The following ANO6 variants were observed in gnomAD, a reference collection of about 807,000 sequenced individuals.
ANO6 encodes anoctamin 6.
Under a neutral mutation model 117.5 loss-of-function variants are expected in ANO6, and 106 were observed. The observed-to-expected ratio is 0.90, with a 90% CI of 0.77 to 1.06. The LOEUF is 1.06. Ranked by LOEUF, ANO6 falls within the 50% of genes least tolerant of loss-of-function variation. The pLI is 0.00. For missense variants in ANO6, 955 were observed against 1,121.1 expected (o/e 0.85, Z 2.12); for synonymous variants, 367 against 385.1 (o/e 0.95, Z 0.55).
intron 2 of ANO6, among the ~76,000 whole-genome samples, chr12:45,323,978 C>T (rs1228696599): frequency 9.7e-5 from 13 of 133,954 alleles, no homozygotes; most frequent in African/African-American, 3.5e-4. Flanking sequence ...GCTCTTGGTG[C>T]CCAGGCTGGA....
rs535546821 is a variant in ANO6 at position 45,398,179 on chromosome 12, C to T, written c.1387-3616C>T. Among the ~76,000 whole-genome samples, 73 of 152,188 alleles carry T rather than the reference C, an allele frequency of 4.8e-4. 1 individual carries two copies. Among genetic ancestry groups the T allele is most frequent in the African/African-American group, 1.8e-3 (73 of 41,528 alleles). On this transcript the variant is annotated intron_variant, in intron 12 of 19. Transcript: ENST00000320560. ...AAACAAGAGGTCAATACCTTTAATA[C>T]GTGGAGTCCAGATCATCTAGAAGAT...
At chr12:45,320,095 G>A (rs553275225) in intron 2 of ANO6, among the ~76,000 whole-genome samples, 2 of 152,166 alleles carry the variant, frequency 1.3e-5, no homozygotes, top group South Asian at 2.1e-4. Context: ...TTTTTTTGAA[G>A]GGTTATTTGT....
At chr12:45,414,156 A>C (rs1028324318) in intron 16 of ANO6, among the ~76,000 whole-genome samples, 2 of 151,964 alleles carry the variant, frequency 1.3e-5, no homozygotes, top group African/African-American at 4.8e-5. Context: ...ACTTGTTGTG[A>C]AGGTGGACAC....
chr12:45,246,171 T>C (rs1448592408), intron 1 of ANO6, among the ~76,000 whole-genome samples: 1 of 152,198 alleles, frequency 6.6e-6, no homozygotes, highest in African/African-American at 2.4e-5. Flanking sequence ...ATACCGGGGC[T>C]CACTTTTCAT....
intron 8 of ANO6, among the ~76,000 whole-genome samples, chr12:45,362,095 T>C (rs1474638049): frequency 3.9e-5 from 6 of 152,258 alleles, no homozygotes; most frequent in Admixed American, 1.3e-4. Context: ...GTGGAATTCA[T>C]CAGTGAAACC....
chr12:45,400,635 G>A (rs983804300), intron 12 of ANO6, among the ~76,000 whole-genome samples: 1 of 152,140 alleles, frequency 6.6e-6, no homozygotes, highest in African/African-American at 2.4e-5. Context: ...AACTCCATAG[G>A]TTAGGTGCCA....
Position 45,431,893 on chromosome 12 carries a change from CATT to C in ANO6, c.*2584_*2586del. 1 of 985,394 alleles carries C rather than the reference CATT, an allele frequency of 1.0e-6. No individual in the cohort carries two copies. Among genetic ancestry groups the C allele is most frequent in the Non-Finnish European group, 1.2e-6 (1 of 829,936 alleles). The allele number at this position is 985,394 out of a possible 1,614,324, so 61.0% of individuals were successfully genotyped here. ...GCCTGTGAATTTTAGCATATTGAAA[CATT>C]AGAGCAAATACTCAGGGGATTTTTC... On this transcript the variant is annotated 3_prime_UTR_variant, in exon 20 of 20. Transcript: ENST00000320560.
intron 3 of ANO6, among the ~76,000 whole-genome samples, chr12:45,341,223 A>G (rs1367806073): frequency 6.6e-6 from 1 of 152,238 alleles, no homozygotes; most frequent in Non-Finnish European, 1.5e-5. Flanking sequence ...ATAAATTAGT[A>G]CAACCTTTCT....
chr12:45,387,197 T>C (rs1456988653), intron 10 of ANO6, among the ~76,000 whole-genome samples: 1 of 152,228 alleles, frequency 6.6e-6, no homozygotes, highest in Non-Finnish European at 1.5e-5. Context: ...AAGAAGGGCA[T>C]GGGGTATTTA....
intron 16 of ANO6, among the ~76,000 whole-genome samples, chr12:45,415,907 G>T (rs1343773018): frequency 6.6e-6 from 1 of 152,114 alleles, no homozygotes; most frequent in Non-Finnish European, 1.5e-5. Flanking sequence ...AGTTAGGAGG[G>T]CAGGGTCTAA....
chr12:45,349,653 T>C (rs959585240), intron 6 of ANO6, among the ~76,000 whole-genome samples: 1 of 152,190 alleles, frequency 6.6e-6, no homozygotes, highest in Non-Finnish European at 1.5e-5. Context: ...TATTGAAATG[T>C]ACTGAATAAC....
intron 15 of ANO6, among the ~76,000 whole-genome samples, chr12:45,408,936 C>T (rs1943014798): frequency 6.6e-6 from 1 of 152,176 alleles, no homozygotes; most frequent in African/African-American, 2.4e-5. Context: ...CAAATGCAAG[C>T]ACTCCCTGCC....
intron 12 of ANO6, among the ~76,000 whole-genome samples, chr12:45,397,421 G>T (rs1322949814): frequency 2.6e-5 from 4 of 152,124 alleles, no homozygotes; most frequent in Non-Finnish European, 5.9e-5. Context: ...GTGGAAGACT[G>T]TGTGGAGATT....
chr12:45,292,999 G>T (rs1381482295), intron 1 of ANO6: 1 of 1,540,672 alleles, frequency 6.5e-7, no homozygotes, highest in Non-Finnish European at 8.7e-7. Context: ...TGCCGGGGAG[G>T]CTCCTTTTTT....
At position 45,416,869 on chromosome 12, in the gene ANO6, A is replaced by AT; in HGVS notation, c.2183dup (p.Met728IlefsTer72). The AT allele has an allele frequency of 6.2e-7, 1 of 1,614,222 alleles. No homozygotes were observed. The highest frequency in any genetic ancestry group is 8.5e-7 in the Non-Finnish European group (1 of 1,180,028). Reference sequence around the variant, plus strand: ...AGACATTGGAGCATGGCAGCCCATCATGCAAGGAATAGCAATTCTGGCTGT... The same window carrying AT: ...AGACATTGGAGCATGGCAGCCCATCATTGCAAGGAATAGCAATTCTGGCTGT... On this transcript the variant is annotated frameshift_variant, in exon 17 of 20. Transcript: ENST00000320560. LOFTEE classifies it high-confidence loss of function.
At chr12:45,418,286 C>T (rs1943264910) in intron 17 of ANO6, among the ~76,000 whole-genome samples, 1 of 152,276 alleles carries the variant, frequency 6.6e-6, no homozygotes, top group Admixed American at 6.5e-5. Flanking sequence ...GAATTGCATG[C>T]TATCTGTACT....
In ANO6 at chr12:45,350,693, G is replaced by A. The variant is rs145692140; in HGVS notation, c.782G>A (p.Cys261Tyr). 3.1e-6 allele frequency: 5 copies of A among 1,613,718 alleles called. No individual in the cohort carries two copies. Among genetic ancestry groups the A allele is most frequent in the African/African-American group, 2.7e-5 (2 of 74,904 alleles). ...CGCCGTCAGTCAGAGGATCCCAGCT[G>A]CCCTAATGAACGGTACCTTCTGTAC... is the stretch of plus-strand genomic sequence containing the variant. ...KFRRQSEDPS[C>Y]PNERYLLYRE... The change falls in exon 7 of 20, where the codon TGC (cysteine) becomes TAC (tyrosine). Residue 261 changes from cysteine (C) to tyrosine (Y), a missense_variant. Transcript: ENST00000320560.
downstream of ANO6, among the ~76,000 whole-genome samples, chr12:45,434,127 T>C (rs1943681007): frequency 6.6e-6 from 1 of 152,224 alleles, no homozygotes; most frequent in South Asian, 2.1e-4. Context: ...CACCTGTTCT[T>C]GGCCATAATC....
intron 1 of ANO6, among the ~76,000 whole-genome samples, chr12:45,255,447 T>G (rs1392834264): frequency 6.6e-6 from 1 of 152,076 alleles, no homozygotes; most frequent in Non-Finnish European, 1.5e-5. Context: ...AGGTGGCAGC[T>G]GAGATTGTGC....
Sources: gnomAD v4.1 joint callset for allele counts (sites outside exome capture counted in the v4.1 genomes callset) on GRCh38, gnomAD v4.1.1 for gene constraint, MANE v1.5 for transcripts, NCBI Gene and HGNC (gene_info 2026-07-23, HGNC 2026-07-21) for gene names.